The following VPS8 variants were observed in gnomAD, a reference collection of about 807,000 sequenced individuals.
VPS8 encodes the protein VPS8 subunit of CORVET complex, also known as vacuolar protein sorting-associated protein 8 homolog.
A neutral mutation model predicts 216.4 loss-of-function variants in VPS8; 129 were observed. The observed-to-expected ratio is 0.60, with a 90% confidence interval of 0.52 to 0.69. The LOEUF is 0.69. Among genes scored for constraint, VPS8 ranks in the 30% least tolerant of loss-of-function variants. VPS8 has a pLI of 0.00. For synonymous variants in VPS8, 571 were observed against 565.4 expected, an observed-to-expected ratio of 1.01 and a Z score of -0.14; for missense variants, 1,531 against 1,683.5, an observed-to-expected ratio of 0.91 and a Z score of 1.59.
chr3:184,863,048 G>A lies in VPS8; in HGVS notation c.1376G>A (p.Gly459Glu), dbSNP rs1420933747. ...SSHFKSLATG[G>E]NVSQALALVG... ...CATTTCAAATCACTAGCCACTGGAG[G>A]AAATGTTAGCCAGGCACTGGTAAGG... Residue 459 changes from glycine (G) to glutamate (E), a missense_variant, in exon 16 of 48, where the codon GGA (glycine) becomes GAA (glutamate). Coordinates refer to ENST00000625842, the MANE Select transcript of VPS8 (RefSeq NM_001009921.3). The A allele has an allele frequency of 6.2e-7, 1 of 1,613,816 alleles. No individual in the cohort carries two copies. Among genetic ancestry groups the A allele is most frequent in the South Asian group, 1.1e-5 (1 of 91,064 alleles).
chr3:184,922,021 C>T (rs1171405681), intron 29 of VPS8, among the ~76,000 whole-genome samples: 4 of 152,176 alleles, frequency 2.6e-5, no homozygotes, highest in African/African-American at 9.7e-5. Flanking sequence ...TGTCATCCAT[C>T]TCGTCATCCT....
intron 46 of VPS8, among the ~76,000 whole-genome samples, chr3:185,042,118 C>T (rs575008828): frequency 6.6e-5 from 10 of 152,266 alleles, no homozygotes; most frequent in Admixed American, 2.6e-4. Context: ...TTTTGCTCCC[C>T]GGTTTTCCAT....
In VPS8 at chr3:184,921,478, C is replaced by T. The variant is rs142526760; in HGVS notation, c.2454+1280C>T. On this transcript the variant is annotated intron_variant, in intron 29 of 47. Coordinates refer to ENST00000625842, the MANE Select transcript of VPS8 (RefSeq NM_001009921.3). ...CTGTGTAATACAATTCTGCTTACAC[C>T]GTGTAAGGCCCCTTGGTTGGTGGGG... Among the ~76,000 whole-genome samples the T allele has an allele frequency of 4.3e-3, 656 of 152,270 alleles. 3 individuals are homozygous for T. Among genetic ancestry groups the T allele is most frequent in the Non-Finnish European group, 7.2e-3 (488 of 68,022 alleles).
At position 185,023,255 on chromosome 3, in the gene VPS8, T is replaced by G. The variant is rs566440527; in HGVS notation, c.4003-1081T>G. Among the ~76,000 whole-genome samples the G allele has an allele frequency of 7.1e-5, 10 of 141,288 alleles. No homozygotes were observed. The East Asian group carries it at 1.9e-3, about 27-fold the overall frequency. The allele number at this position is 141,288 out of a possible 152,430, so 92.7% of individuals were successfully genotyped here. ...CTTTTTTTTATCTGACTTCTTTCAC[T>G]CAGCATAGTTATTTGCATGATTGCA... On this transcript the variant is annotated intron_variant, in intron 45 of 47. Transcript: ENST00000625842.
At chr3:184,958,269 A>G (rs1560864916) in intron 37 of VPS8, among the ~76,000 whole-genome samples, 1 of 152,314 alleles carries the variant, frequency 6.6e-6, no homozygotes, top group East Asian at 1.9e-4. Flanking sequence ...GGTTGTGAAA[A>G]TGGGTCAGTT....
chr3:184,828,910 G>A (rs1719390568), intron 3 of VPS8, among the ~76,000 whole-genome samples: 1 of 152,130 alleles, frequency 6.6e-6, no homozygotes, highest in Non-Finnish European at 1.5e-5. Context: ...CAAACCCAGG[G>A]TAATTACTAC....
At chr3:184,944,181 A>T (rs1743266601) in intron 36 of VPS8, among the ~76,000 whole-genome samples, 1 of 152,200 alleles carries the variant, frequency 6.6e-6, no homozygotes. Context: ...CTATGTCTTT[A>T]CCCAGTGTCT....
intron 36 of VPS8, among the ~76,000 whole-genome samples, chr3:184,953,539 A>G (rs1348734685): frequency 6.6e-6 from 1 of 152,222 alleles, no homozygotes; most frequent in Non-Finnish European, 1.5e-5. Flanking sequence ...AAACAACAGC[A>G]GACAGAGCTC....
chr3:184,914,878 T>TA, intron 26 of VPS8, 103 bp from the exon 27 acceptor site: 3 of 1,171,976 alleles, frequency 2.6e-6, no homozygotes, highest in Non-Finnish European at 3.8e-6. Context: ...TGAGCCTACT[T>TA]ACAAATTGAA....
rs776547494 is a variant in VPS8, at chr3:184,855,840, A to G, written c.1143+22A>G. 6.4e-6 allele frequency: 10 copies of G among 1,561,922 alleles called. No homozygotes were observed. In the East Asian group the frequency reaches 9.1e-5, roughly 14 times the overall value. ...ATTGGTAAGTCCTAATATGACCATT[A>G]GAAAGCCTCTTACAATTTTTTTTAT... is the stretch of plus-strand genomic sequence containing the variant. On this transcript the variant is annotated intron_variant, in intron 14 of 47. Coordinates refer to ENST00000625842, the MANE Select transcript of VPS8 (RefSeq NM_001009921.3).
At chr3:184,993,496 GA>G (rs1752198844) in intron 42 of VPS8, among the ~76,000 whole-genome samples, 1 of 151,974 alleles carries the variant, frequency 6.6e-6, no homozygotes, top group Non-Finnish European at 1.5e-5. Flanking sequence ...TGACCTTATT[GA>G]AAAAAACTTC....
intron 42 of VPS8, among the ~76,000 whole-genome samples, chr3:184,990,152 T>G (rs536702912): frequency 2.0e-5 from 3 of 152,236 alleles, no homozygotes; most frequent in Non-Finnish European, 4.4e-5. Flanking sequence ...AGTTTCTTCC[T>G]TAACTGTGTG....
At chr3:184,890,090 G>A (rs747297318) in intron 22 of VPS8, among the ~76,000 whole-genome samples, 5 of 152,096 alleles carry the variant, frequency 3.3e-5, no homozygotes, top group Admixed American at 2.6e-4. Flanking sequence ...AAATTGTAGC[G>A]GAGGATTGTC....
chr3:185,049,158 A>G lies in VPS8; in HGVS notation c.4137+599A>G, dbSNP rs76045377. Among the ~76,000 whole-genome samples the G allele has an allele frequency of 5.3e-3, 800 of 152,220 alleles. 8 individuals are homozygous for G. Among genetic ancestry groups the G allele is most frequent in the African/African-American group, 0.011 (457 of 41,530 alleles). On this transcript the variant is annotated intron_variant, in intron 47 of 47. Transcript: ENST00000625842. ...AGACCCATGACCATACCTCACTGCA[A>G]TGGAGACTGGGAAAATTGATTTTTA...
rs1459111660 is a variant in VPS8, at chr3:184,863,079, C to G, written c.1395+12C>G. 5 of 1,610,976 alleles carry G rather than the reference C, an allele frequency of 3.1e-6. No individual in the cohort carries two copies. The highest frequency in any genetic ancestry group is 4.2e-6 in the Non-Finnish European group (5 of 1,178,356). ...TTAGCCAGGCACTGGTAAGGATAATCACTTATCTTGCTATCCTAGAAAATA... is the reference window on the plus strand; with the variant it reads ...TTAGCCAGGCACTGGTAAGGATAATGACTTATCTTGCTATCCTAGAAAATA... On this transcript the variant is annotated intron_variant, in intron 16 of 47. Coordinates refer to ENST00000625842, the MANE Select transcript of VPS8 (RefSeq NM_001009921.3).
chr3:184,936,905 T>C (rs1038413073), intron 35 of VPS8, among the ~76,000 whole-genome samples: 1 of 151,918 alleles, frequency 6.6e-6, no homozygotes, highest in Admixed American at 6.6e-5. Context: ...GCCTGGCTAA[T>C]TTTTTTGTGT....
intron 42 of VPS8, among the ~76,000 whole-genome samples, chr3:184,992,917 A>G (rs1179700630): frequency 2.8e-4 from 42 of 152,250 alleles, no homozygotes; most frequent in Admixed American, 2.7e-3. Flanking sequence ...TCTGTCTAGA[A>G]ATCTCTAAAG....
intron 25 of VPS8, among the ~76,000 whole-genome samples, chr3:184,902,581 C>G (rs147371968): frequency 0.018 from 2,773 of 151,740 alleles, 94 homozygotes; most frequent in African/African-American, 0.064. Flanking sequence ...CCTGTAATCC[C>G]AGCACTTTGG....
At chr3:184,896,253 A>G (rs965610348) in intron 23 of VPS8, among the ~76,000 whole-genome samples, 2 of 152,034 alleles carry the variant, frequency 1.3e-5, no homozygotes, top group African/African-American at 4.8e-5. Flanking sequence ...CATGTTGTCC[A>G]TCTAGTTTTG....
Sources: allele counts gnomAD v4.1 joint callset (sites outside exome capture counted in the v4.1 genomes callset), GRCh38; gene constraint gnomAD v4.1.1; transcripts MANE v1.5; gene names NCBI Gene and HGNC (gene_info 2026-07-23, HGNC 2026-07-21).